SETD3: variants seen among roughly 807,000 people sequenced by gnomAD.
The protein encoded by SETD3 is actin-histidine N-methyltransferase.
Under a neutral mutation model 63.0 loss-of-function variants are expected in SETD3, and 19 were observed. The ratio of observed to expected loss-of-function variants is 0.30; its 90% confidence interval spans 0.21 to 0.44. SETD3 has a LOEUF of 0.44. Among genes scored for constraint, SETD3 ranks in the 20% least tolerant of loss-of-function variants. The pLI is 1.00. For missense variants in SETD3, 587 were observed against 728.5 expected, an observed-to-expected ratio of 0.81 and a Z score of 2.24; for synonymous variants, 286 against 264.1, an observed-to-expected ratio of 1.08 and a Z score of -0.80.
rs567875811 is a variant in SETD3, at chr14:99,399,603, T to C, written c.1339-478A>G. Among the ~76,000 whole-genome samples the C allele has an allele frequency of 2.1e-4, 32 of 152,316 alleles. 1 individual carries two copies. The South Asian group carries it at 2.9e-3, about 14-fold the overall frequency. ...GTGAATTATAAATTATAAAAAAGTA[T>C]TGAATAATCTTAAAAATGTATCTTC... On this transcript the variant is annotated intron_variant, in intron 12 of 12. Coordinates refer to ENST00000331768, the MANE Select transcript of SETD3 (RefSeq NM_032233.3).
At chr14:99,484,320 G>C (rs548595713), upstream of SETD3, among the ~76,000 whole-genome samples, 40 of 152,354 alleles carry the variant, frequency 2.6e-4, no homozygotes, top group South Asian at 8.1e-3. Flanking sequence ...CAACGCAGCA[G>C]ACACACAATG....
intron 8 of SETD3, among the ~76,000 whole-genome samples, chr14:99,410,800 C>G (rs1891943703): frequency 1.3e-5 from 2 of 152,162 alleles, no homozygotes; most frequent in Non-Finnish European, 2.9e-5. Context: ...CTGTTACTGA[C>G]TTGATTCTTC....
At chr14:99,482,486 A>G (rs1896368706), upstream of SETD3, among the ~76,000 whole-genome samples, 1 of 152,228 alleles carries the variant, frequency 6.6e-6, no homozygotes, top group Non-Finnish European at 1.5e-5. Context: ...CATTTGGATT[A>G]AAGTGCCCTT....
chr14:99,450,985 A>G (rs1894427109), intron 6 of SETD3, among the ~76,000 whole-genome samples: 1 of 152,206 alleles, frequency 6.6e-6, no homozygotes, highest in Non-Finnish European at 1.5e-5. Context: ...CATGGCACTG[A>G]TTATCAATTA....
At chr14:99,439,626 T>C (rs1893677785) in intron 6 of SETD3, among the ~76,000 whole-genome samples, 1 of 147,886 alleles carries the variant, frequency 6.8e-6, no homozygotes, top group African/African-American at 2.5e-5. Context: ...TATAAACATA[T>C]TTATATTTTT....
intron 6 of SETD3, among the ~76,000 whole-genome samples, chr14:99,441,089 G>A (rs1893782769): frequency 6.6e-6 from 1 of 152,212 alleles, no homozygotes. Context: ...ATTCATCCCA[G>A]TAGGGGTAAA....
At chr14:99,422,287 T>C (rs1892635041) in intron 6 of SETD3, among the ~76,000 whole-genome samples, 1 of 152,216 alleles carries the variant, frequency 6.6e-6, no homozygotes, top group Non-Finnish European at 1.5e-5. Flanking sequence ...CAATATTCCA[T>C]CATCTGGAAT....
intron 1 of SETD3, among the ~76,000 whole-genome samples, chr14:99,472,571 T>A (rs902783896): frequency 1.3e-5 from 2 of 152,176 alleles, no homozygotes; most frequent in Non-Finnish European, 2.9e-5. Context: ...ATGAAAAAAA[T>A]ATATTAAACA....
At chr14:99,444,885 A>T (rs1950601) in intron 6 of SETD3, among the ~76,000 whole-genome samples, 149,788 of 152,158 alleles carry the variant, frequency 0.98, 73,768 homozygotes, top group East Asian at 1. Flanking sequence ...CAATTATAAT[A>T]TGTCAATTAA....
At chr14:99,444,834 CA>C (rs58112982) in intron 6 of SETD3, among the ~76,000 whole-genome samples, 89 of 115,782 alleles carry the variant, frequency 7.7e-4, no homozygotes, top group Middle Eastern at 4.8e-3. Flanking sequence ...GACTTTGTCT[CA>C]AAAAAAAAAA....
intron 6 of SETD3, among the ~76,000 whole-genome samples, chr14:99,417,720 T>C (rs1892357094): frequency 2.0e-5 from 3 of 152,252 alleles, no homozygotes; most frequent in Admixed American, 6.5e-5. Flanking sequence ...CTTTGAAACA[T>C]TAACAGCTCT....
chr14:99,400,399 C>A (rs1891327337), intron 11 of SETD3, 140 bp from the exon 12 acceptor site: 2 of 854,934 alleles, frequency 2.3e-6, no homozygotes, highest in Admixed American at 2.7e-5. Flanking sequence ...ATGGGCCAGG[C>A]CACTCCTAGA....
intron 6 of SETD3, among the ~76,000 whole-genome samples, chr14:99,422,271 A>G (rs561073380): frequency 6.6e-6 from 1 of 152,316 alleles, no homozygotes; most frequent in East Asian, 1.9e-4. Context: ...ATGTCCCAAC[A>G]ATTTCCAATA....
intron 6 of SETD3, among the ~76,000 whole-genome samples, chr14:99,420,233 T>G (rs1892514054): frequency 6.6e-6 from 1 of 152,148 alleles, no homozygotes. Context: ...TTAGCATCTC[T>G]TCCCCTCCAG....
chr14:99,447,904 CAGCA>C (rs1169119870), intron 6 of SETD3, among the ~76,000 whole-genome samples: 1 of 152,186 alleles, frequency 6.6e-6, no homozygotes, highest in East Asian at 1.9e-4. Flanking sequence ...AAGAGACTGC[CAGCA>C]AGCTCACAGG....
chr14:99,476,621 T>C (rs1895986250), intron 1 of SETD3, among the ~76,000 whole-genome samples: 1 of 152,258 alleles, frequency 6.6e-6, no homozygotes. Flanking sequence ...TATTTTATGG[T>C]AAAAGCAGCT....
intron 1 of SETD3, among the ~76,000 whole-genome samples, chr14:99,466,462 G>C (rs976825262): frequency 1.3e-5 from 2 of 152,234 alleles, no homozygotes; most frequent in Non-Finnish European, 2.9e-5. Context: ...GGGCATGTGA[G>C]AAATGATGAG....
intron 7 of SETD3, 64 bp downstream of exon 7, chr14:99,413,811 TC>T (rs1652626635): frequency 8.0e-6 from 12 of 1,499,116 alleles, no homozygotes; most frequent in Admixed American, 3.4e-5. Context: ...TTCCCTCCCT[TC>T]CAGGATCCCA....
intron 4 of SETD3, among the ~76,000 whole-genome samples, 175 bp downstream of exon 4, chr14:99,461,017 A>C (rs1895033495): frequency 6.6e-6 from 1 of 152,176 alleles, no homozygotes; most frequent in Non-Finnish European, 1.5e-5. Flanking sequence ...CAGGAGGATA[A>C]GGTGGGAGGA....
Sources: gnomAD v4.1 joint callset for allele counts (sites outside exome capture counted in the v4.1 genomes callset) on GRCh38, gnomAD v4.1.1 for gene constraint, MANE v1.5 for transcripts, NCBI Gene and HGNC (gene_info 2026-07-23, HGNC 2026-07-21) for gene names.